The following KITLG variants were observed in gnomAD, a reference collection of about 807,000 sequenced individuals.
KITLG encodes KIT ligand.
In KITLG, 13 loss-of-function variants were observed where a neutral mutation model predicts 34.1. The observed-to-expected ratio is 0.38, with a 90% CI of 0.25 to 0.61. The LOEUF (loss-of-function observed/expected upper bound fraction) is 0.61, where lower values mean the gene tolerates loss of function less well. KITLG is among the 20% of genes least tolerant of loss of function. The probability of loss-of-function intolerance (pLI) is 0.60; values close to 1 mark genes in which losing one functional copy is unlikely to be tolerated. For missense variants in KITLG, 292 were observed against 318.9 expected, an observed-to-expected ratio of 0.92 and a Z score of 0.64; for synonymous variants, 110 against 104.0, an observed-to-expected ratio of 1.06 and a Z score of -0.35.
At chr12:88,520,277 T>C (rs932885012) in intron 3 of KITLG, among the ~76,000 whole-genome samples, 2 of 152,230 alleles carry the variant, frequency 1.3e-5, no homozygotes, top group African/African-American at 4.8e-5. Flanking sequence ...TGCATCATTA[T>C]CAGGTCTCTT....
At chr12:88,579,405 G>A (rs1871936760) in intron 1 of KITLG, among the ~76,000 whole-genome samples, 1 of 152,084 alleles carries the variant, frequency 6.6e-6, no homozygotes, top group Admixed American at 6.5e-5. Flanking sequence ...GAAGAGAACT[G>A]TGGATAGGGG....
chr12:88,541,365 A>C (rs532317665), intron 2 of KITLG, among the ~76,000 whole-genome samples: 9 of 152,290 alleles, frequency 5.9e-5, no homozygotes, highest in African/African-American at 2.2e-4. Flanking sequence ...ATTTTGAGGA[A>C]GACAAGTCAT....
At chr12:88,562,678 A>G (rs1871333945) in intron 1 of KITLG, among the ~76,000 whole-genome samples, 1 of 152,134 alleles carries the variant, frequency 6.6e-6, no homozygotes, top group Non-Finnish European at 1.5e-5. Flanking sequence ...ACTTTTAACC[A>G]TTTTCTTTGT....
chr12:88,522,883 G>C (rs1566022941), intron 3 of KITLG, among the ~76,000 whole-genome samples: 1 of 152,032 alleles, frequency 6.6e-6, no homozygotes, highest in East Asian at 1.9e-4. Context: ...TTTCTTATAG[G>C]GCCTAAAGCT....
At chr12:88,556,801 G>C (rs1337261434) in intron 1 of KITLG, among the ~76,000 whole-genome samples, 1 of 152,078 alleles carries the variant, frequency 6.6e-6, no homozygotes, top group Non-Finnish European at 1.5e-5. Flanking sequence ...ATACATGAGA[G>C]GGAAATCAGT....
rs1180626869 is a variant in KITLG at position 88,560,176 on chromosome 12, T to C, written c.16-14311A>G. On this transcript the variant is annotated intron_variant, in intron 1 of 9. Coordinates refer to ENST00000644744, the MANE Select transcript of KITLG (RefSeq NM_000899.5). The stretch of plus-strand genomic sequence containing the variant: ...GTTATGTAAAGCACTCACAAGCCAA[T>C]TGGCAGATCTATGAGAACATTACAT... Among the ~76,000 whole-genome samples the C allele has an allele frequency of 3.3e-5, 5 of 152,240 alleles. 1 individual carries two copies. The highest frequency in any genetic ancestry group is 4.1e-4 in the South Asian group (2 of 4,838).
chr12:88,523,946 T>C (rs576593048), intron 3 of KITLG, among the ~76,000 whole-genome samples: 1 of 152,332 alleles, frequency 6.6e-6, no homozygotes, highest in Admixed American at 6.5e-5. Flanking sequence ...AAATATGTGT[T>C]ATTTCCCAGG....
intron 1 of KITLG, among the ~76,000 whole-genome samples, chr12:88,554,688 T>C (rs1871040808): frequency 6.6e-6 from 1 of 152,204 alleles, no homozygotes; most frequent in African/African-American, 2.4e-5. Context: ...AACAACAGGA[T>C]CCTCATTTGG....
chr12:88,542,086 C>T (rs1013418104), intron 2 of KITLG, among the ~76,000 whole-genome samples: 2 of 152,146 alleles, frequency 1.3e-5, no homozygotes, highest in Non-Finnish European at 2.9e-5. Context: ...TATATAACCT[C>T]CTTCAGTCGA....
At position 88,546,534 on chromosome 12, in the gene KITLG, A is replaced by G. The variant is rs549593960; in HGVS notation, c.16-669T>C. Among the ~76,000 whole-genome samples, 3 of 152,354 alleles carry G rather than the reference A, an allele frequency of 2.0e-5. No individual in the cohort carries two copies. In the South Asian group the frequency reaches 6.2e-4, roughly 32 times the overall value. ...CACATAACCTACACATCGGCTTGAA[A>G]ATAACATTTTCTATTATGTATTATA... On this transcript the variant is annotated intron_variant, in intron 1 of 9. Transcript: ENST00000644744.
At chr12:88,516,081 A>G (rs1388503488) in intron 5 of KITLG, among the ~76,000 whole-genome samples, 1 of 151,796 alleles carries the variant, frequency 6.6e-6, no homozygotes, top group African/African-American at 2.4e-5. Context: ...AGATGAGAAA[A>G]GGTATGAGTG....
chr12:88,532,552 T>C, intron 2 of KITLG, 49 bp from the exon 3 acceptor site: 1 of 1,257,764 alleles, frequency 8.0e-7, no homozygotes, highest in Non-Finnish European at 1.2e-6. Flanking sequence ...TATACATCAA[T>C]TAATCATATT....
chr12:88,522,337 T>C (rs1388303798), intron 3 of KITLG, among the ~76,000 whole-genome samples: 1 of 152,118 alleles, frequency 6.6e-6, no homozygotes, highest in Non-Finnish European at 1.5e-5. Flanking sequence ...CTTTCTCCTC[T>C]CTATCTCCTG....
rs150611618 is a variant in KITLG, at chr12:88,571,901, G to A, written c.15+8363C>T. Among the ~76,000 whole-genome samples, 878 of 152,210 alleles carry A rather than the reference G, an allele frequency of 5.8e-3. 7 individuals are homozygous for A. The highest frequency in any genetic ancestry group is 0.017 in the Admixed American group (257 of 15,272). On this transcript the variant is annotated intron_variant, in intron 1 of 9. Transcript: ENST00000644744. ...TGCAATAAACACCTGGGATTGGCAG[G>A]AGAAAGACCTTGTCTTAGTTTTCCT...
chr12:88,535,924 G>T (rs1870300153), intron 2 of KITLG, among the ~76,000 whole-genome samples: 1 of 152,114 alleles, frequency 6.6e-6, no homozygotes, highest in Admixed American at 6.6e-5. Flanking sequence ...AGATTAAAAT[G>T]TAAGGCCCCA....
intron 3 of KITLG, among the ~76,000 whole-genome samples, chr12:88,525,732 T>C (rs1566023650): frequency 6.6e-6 from 1 of 152,026 alleles, no homozygotes; most frequent in African/African-American, 2.4e-5. Flanking sequence ...TCCATAGAAG[T>C]CACAAGATAA....
At chr12:88,537,842 G>C (rs757696322) in intron 2 of KITLG, among the ~76,000 whole-genome samples, 1 of 152,036 alleles carries the variant, frequency 6.6e-6, no homozygotes, top group Non-Finnish European at 1.5e-5. Flanking sequence ...AGTAGAGGGA[G>C]CCTATGGCCT....
intron 6 of KITLG, among the ~76,000 whole-genome samples, chr12:88,510,612 TA>T (rs933770853): frequency 2.0e-5 from 3 of 152,150 alleles, no homozygotes; most frequent in Non-Finnish European, 2.9e-5. Flanking sequence ...ATCTCAAACA[TA>T]AAACATCTTT....
At chr12:88,509,002 C>G (rs1039128854) in intron 6 of KITLG, among the ~76,000 whole-genome samples, 1 of 152,092 alleles carries the variant, frequency 6.6e-6, no homozygotes, top group Admixed American at 6.6e-5. Flanking sequence ...AATCATTTGG[C>G]TGTTTTGGTT....
Sources: gnomAD v4.1 joint callset for allele counts (sites outside exome capture counted in the v4.1 genomes callset) on GRCh38, gnomAD v4.1.1 for gene constraint, MANE v1.5 for transcripts, NCBI Gene and HGNC (gene_info 2026-07-23, HGNC 2026-07-21) for gene names.